RNF144A: variants seen among roughly 807,000 people sequenced by gnomAD.
The protein encoded by RNF144A is ring finger protein 144A.
In RNF144A, 11 loss-of-function variants were observed where a neutral mutation model predicts 38.7. The ratio of observed to expected loss-of-function variants is 0.28; its 90% CI spans 0.18 to 0.47. The LOEUF (loss-of-function observed/expected upper bound fraction) is 0.47. RNF144A is among the 20% of genes least tolerant of loss of function. The pLI is 0.99. For missense variants in RNF144A, 316 were observed against 377.2 expected (o/e 0.84, Z 1.34); for synonymous variants, 149 against 143.9 (o/e 1.04, Z -0.25).
At chr2:7,019,227 A>G (rs1170687766) in intron 5 of RNF144A, among the ~76,000 whole-genome samples, 5 of 152,198 alleles carry the variant, frequency 3.3e-5, no homozygotes, top group African/African-American at 9.7e-5. Flanking sequence ...TATTTGGGGA[A>G]CATGGTAAAC....
chr2:6,985,544 G>A (rs1668895537), intron 2 of RNF144A, among the ~76,000 whole-genome samples: 1 of 152,176 alleles, frequency 6.6e-6, no homozygotes, highest in Non-Finnish European at 1.5e-5. Flanking sequence ...TGGAATTGCA[G>A]GTGAGTTCTT....
At chr2:6,969,825 G>A (rs1667886308) in intron 2 of RNF144A, among the ~76,000 whole-genome samples, 1 of 152,160 alleles carries the variant, frequency 6.6e-6, no homozygotes, top group Non-Finnish European at 1.5e-5. Context: ...GCAGTGGCAT[G>A]ATCTCGGCTC....
At chr2:6,953,169 G>GGA (rs1261887878) in intron 2 of RNF144A, among the ~76,000 whole-genome samples, 2 of 152,258 alleles carry the variant, frequency 1.3e-5, no homozygotes, top group East Asian at 3.9e-4. Flanking sequence ...GCTCACACCG[G>GGA]TAATCCCAGC....
intron 8 of RNF144A, 49 bp from the exon 9 acceptor site, chr2:7,039,580 C>G: frequency 6.2e-7 from 1 of 1,602,772 alleles, no homozygotes; most frequent in Non-Finnish European, 8.5e-7. Context: ...AGCTCTGGAA[C>G]CTACAGACCA....
At chr2:7,005,887 G>A (rs1323321216) in intron 3 of RNF144A, among the ~76,000 whole-genome samples, 1 of 151,804 alleles carries the variant, frequency 6.6e-6, no homozygotes, top group Non-Finnish European at 1.5e-5. Flanking sequence ...GCCTGACTTG[G>A]GTGCACCTGC....
Position 6,958,163 on chromosome 2 carries a change from G to T in RNF144A, c.-12+17016G>T, listed in dbSNP as rs906308583. On this transcript the variant is annotated intron_variant, in intron 2 of 8. Transcript: ENST00000320892. The surrounding 1 kb of genome is among the most constrained non-coding windows in gnomAD (Gnocchi z 4.5). ...GCCACCATGGGGCACCGGGCGTGCT[G>T]TCTCTTCCTGGAAGGTGGAACTTGA... Among the ~76,000 whole-genome samples the T allele has an allele frequency of 6.6e-6, 1 of 152,240 alleles. No homozygotes were observed. Among genetic ancestry groups the T allele is most frequent in the Non-Finnish European group, 1.5e-5 (1 of 68,048 alleles).
At chr2:6,959,796 C>G (rs992568467) in intron 2 of RNF144A, among the ~76,000 whole-genome samples, 9 of 152,186 alleles carry the variant, frequency 5.9e-5, no homozygotes, top group Admixed American at 1.3e-4. Flanking sequence ...ACCACCCCCC[C>G]CATACTGTTT....
At chr2:7,027,698 G>T (rs563023975) in intron 7 of RNF144A, among the ~76,000 whole-genome samples, 10 of 152,200 alleles carry the variant, frequency 6.6e-5, no homozygotes, top group Admixed American at 2.6e-4. Flanking sequence ...ATCCCACCCC[G>T]GAGTTCAATG....
At chr2:6,922,634 T>G (rs577894939) in intron 1 of RNF144A, among the ~76,000 whole-genome samples, 2 of 150,878 alleles carry the variant, frequency 1.3e-5, no homozygotes. Flanking sequence ...TTCTTTTTTT[T>G]TTTTTTTTGA....
rs578047620 is a variant in RNF144A at position 6,926,584 on chromosome 2, A to G, written c.-212+8962A>G. On this transcript the variant is annotated intron_variant, in intron 1 of 8. Coordinates refer to ENST00000320892, the MANE Select transcript of RNF144A (RefSeq NM_014746.6). Reference sequence around the variant, plus strand: ...CTATGCACACCTGTGTGTTCCATCAATAGGTTCGGTGTGGGTACAGTGTGG... The same window carrying G: ...CTATGCACACCTGTGTGTTCCATCAGTAGGTTCGGTGTGGGTACAGTGTGG... Among the ~76,000 whole-genome samples, 19 of 152,266 alleles carry G rather than the reference A, an allele frequency of 1.2e-4. No homozygotes were observed. The South Asian group carries it at 2.5e-3, about 20-fold the overall frequency.
At chr2:7,044,609 A>T (rs764873535), downstream of RNF144A, among the ~76,000 whole-genome samples, 97 of 152,066 alleles carry the variant, frequency 6.4e-4, 1 homozygote, top group Middle Eastern at 3.4e-3. Flanking sequence ...GGCATCCTTT[A>T]TCTGCTGGGG....
chr2:6,950,641 A>G (rs1666619948), intron 2 of RNF144A, among the ~76,000 whole-genome samples: 2 of 152,242 alleles, frequency 1.3e-5, no homozygotes, highest in Non-Finnish European at 2.9e-5. Context: ...GTGTGATCAT[A>G]CTAATTCACA....
chr2:7,028,249 A>G (rs1222730970), intron 7 of RNF144A, among the ~76,000 whole-genome samples: 2 of 152,224 alleles, frequency 1.3e-5, no homozygotes. Flanking sequence ...GGGCACGATG[A>G]AAGAGGATGT....
At chr2:7,038,174 CA>C (rs751381054) in intron 8 of RNF144A, among the ~76,000 whole-genome samples, 10 of 152,228 alleles carry the variant, frequency 6.6e-5, no homozygotes, top group Non-Finnish European at 1.3e-4. Context: ...CCAGGAAGGA[CA>C]GGGGGCCAGG....
intron 2 of RNF144A, among the ~76,000 whole-genome samples, chr2:6,950,530 T>G (rs1013873558): frequency 6.6e-6 from 1 of 152,168 alleles, no homozygotes; most frequent in African/African-American, 2.4e-5. Flanking sequence ...TAAGTGCAAT[T>G]TTTTTCTTGA....
chr2:6,922,369 CAG>C (rs1664591908), intron 1 of RNF144A, among the ~76,000 whole-genome samples: 2 of 152,212 alleles, frequency 1.3e-5, no homozygotes, highest in African/African-American at 4.8e-5. Flanking sequence ...TGGATGTTGT[CAG>C]AGTCTCTTTA....
downstream of RNF144A, among the ~76,000 whole-genome samples, chr2:7,069,157 T>TA (rs1210313785): frequency 1.3e-5 from 2 of 152,156 alleles, no homozygotes; most frequent in African/African-American, 4.8e-5. Flanking sequence ...GAGTTGGGGA[T>TA]AGCTGTGTGG....
chr2:6,955,826 T>G (rs1448923992), intron 2 of RNF144A, among the ~76,000 whole-genome samples: 1 of 152,152 alleles, frequency 6.6e-6, no homozygotes, highest in Non-Finnish European at 1.5e-5. Context: ...TTTACTGGTC[T>G]TCTAGATGTT....
downstream of RNF144A, among the ~76,000 whole-genome samples, chr2:7,044,372 G>A (rs1404164587): frequency 2.0e-5 from 3 of 152,136 alleles, no homozygotes; most frequent in Non-Finnish European, 2.9e-5. Flanking sequence ...CTTGTATCCT[G>A]AGATTTTCTG....
Sources: allele counts gnomAD v4.1 joint callset (sites outside exome capture counted in the v4.1 genomes callset), GRCh38; gene constraint gnomAD v4.1.1; non-coding constraint Gnocchi (gnomAD v3.1); transcripts MANE v1.5; gene names NCBI Gene and HGNC (gene_info 2026-07-23, HGNC 2026-07-21).